ANXA10: variants seen among roughly 807,000 people sequenced by gnomAD.
ANXA10 encodes annexin A10.
ANXA10 carries 49 observed loss-of-function variants against 53.5 expected under a neutral mutation model. The observed-to-expected ratio is 0.92, with a 90% confidence interval of 0.73 to 1.16. The LOEUF is 1.16. Among genes scored for constraint, ANXA10 ranks in the 50% most tolerant of loss-of-function variants. ANXA10 has a pLI of 0.00. For synonymous variants in ANXA10, 131 were observed against 128.9 expected (o/e 1.02, Z -0.11); for missense variants, 393 against 394.4 (o/e 1.00, Z 0.03).
intron 4 of ANXA10, 54 bp from the exon 5 acceptor site, chr4:168,164,144 C>T (rs969358615): frequency 4.5e-6 from 6 of 1,329,586 alleles, no homozygotes; most frequent in Admixed American, 3.6e-5. Flanking sequence ...AAAAGGTACA[C>T]TATTACTTCC....
At chr4:168,113,729 G>A (rs1311711064) in intron 1 of ANXA10, among the ~76,000 whole-genome samples, 2 of 151,988 alleles carry the variant, frequency 1.3e-5, no homozygotes, top group Non-Finnish European at 2.9e-5. Flanking sequence ...CATAGTACAG[G>A]GTAATATAAA....
rs1384711510 is a variant in ANXA10, at chr4:168,173,847, T to C, written c.481-3893T>C. Among the ~76,000 whole-genome samples the C allele has an allele frequency of 1.3e-5, 2 of 152,210 alleles. 1 individual carries two copies. The highest frequency in any genetic ancestry group is 4.8e-5 in the African/African-American group (2 of 41,456). On this transcript the variant is annotated intron_variant, in intron 6 of 11. Transcript: ENST00000359299. ...TCCTACCCTTCCCTAATTGGTTTTT[T>C]ACACTGTTGCGCCCATCTTTGAGTG... is the stretch of plus-strand genomic sequence containing the variant.
At chr4:168,156,183 T>TTATATTATATTA (rs1553957751) in intron 3 of ANXA10, among the ~76,000 whole-genome samples, 3 of 45,196 alleles carry the variant, frequency 6.6e-5, no homozygotes, top group African/African-American at 3.0e-4. Context: ...ATATTATATA[T>TTATATTATATTA]TATATATTAT....
chr4:168,139,074 T>C (rs1252748405), intron 2 of ANXA10, among the ~76,000 whole-genome samples: 1 of 152,110 alleles, frequency 6.6e-6, no homozygotes, highest in African/African-American at 2.4e-5. Context: ...CTTTTCCAAT[T>C]TGGGTGTTTT....
At position 168,096,934 on chromosome 4, in the gene ANXA10, G is replaced by A. The variant is rs931307397; in HGVS notation, c.18+4216G>A. Among the ~76,000 whole-genome samples, 420 of 80,448 alleles carry A rather than the reference G, an allele frequency of 5.2e-3. 6 individuals carry two copies. Among genetic ancestry groups the A allele is most frequent in the African/African-American group, 0.03 (385 of 12,756 alleles). 52.8% of individuals were successfully genotyped at this position (80,448 alleles called of 152,430 possible). A position where few individuals can be genotyped will look rare whatever the true frequency, so the allele number is the denominator to read the frequency against. On this transcript the variant is annotated intron_variant, in intron 1 of 11. Transcript: ENST00000359299. ...TGCATATATATATATATATATGTAT[G>A]TATATGTATATACAATACATACATA...
chr4:168,175,920 A>C (rs541672292), intron 6 of ANXA10, among the ~76,000 whole-genome samples: 2 of 152,250 alleles, frequency 1.3e-5, no homozygotes, highest in Admixed American at 6.5e-5. Context: ...TTTGTTATCA[A>C]GAAAAACAGC....
At chr4:168,149,950 C>T (rs539854975) in intron 3 of ANXA10, among the ~76,000 whole-genome samples, 1 of 152,270 alleles carries the variant, frequency 6.6e-6, no homozygotes, top group South Asian at 2.1e-4. Flanking sequence ...ACTTGATTCC[C>T]TGTGTTACAT....
intron 6 of ANXA10, among the ~76,000 whole-genome samples, chr4:168,174,457 T>A (rs1044450206): frequency 1.3e-5 from 2 of 152,164 alleles, no homozygotes; most frequent in Admixed American, 1.3e-4. Context: ...GCTCACTCGC[T>A]CACACATCCC....
intron 1 of ANXA10, among the ~76,000 whole-genome samples, chr4:168,094,809 T>C (rs1437338820): frequency 6.6e-6 from 1 of 152,114 alleles, no homozygotes; most frequent in Non-Finnish European, 1.5e-5. Context: ...TAAACATACA[T>C]AATATGTTAA....
chr4:168,156,001 ATAT>A (rs1457097629), intron 3 of ANXA10, among the ~76,000 whole-genome samples: 1 of 6,556 alleles, frequency 1.5e-4, no homozygotes, highest in Non-Finnish European at 2.4e-4. Context: ...TACATAATTT[ATAT>A]TATATGTTAT....
At chr4:168,128,348 T>C (rs1731106370) in intron 2 of ANXA10, among the ~76,000 whole-genome samples, 183 bp downstream of exon 2, 1 of 150,916 alleles carries the variant, frequency 6.6e-6, no homozygotes, top group South Asian at 2.1e-4. Flanking sequence ...AAGACAATAA[T>C]GATGAACAAA....
chr4:168,167,740 T>C (rs888765458), intron 6 of ANXA10, among the ~76,000 whole-genome samples: 1 of 152,224 alleles, frequency 6.6e-6, no homozygotes, highest in African/African-American at 2.4e-5. Flanking sequence ...AGTTCTTTCC[T>C]AGATATATTT....
At chr4:168,128,399 C>T (rs1731106893) in intron 2 of ANXA10, among the ~76,000 whole-genome samples, 1 of 151,976 alleles carries the variant, frequency 6.6e-6, no homozygotes, top group Non-Finnish European at 1.5e-5. Context: ...AAAATGTTTG[C>T]CTTAAATCCA....
intron 1 of ANXA10, among the ~76,000 whole-genome samples, chr4:168,109,221 T>A (rs1049736940): frequency 5.5e-4 from 84 of 152,196 alleles, no homozygotes; most frequent in African/African-American, 1.8e-3. Context: ...AGAAAGAAGA[T>A]CAATGTATGT....
chr4:168,147,000 G>T (rs913634407), intron 3 of ANXA10, among the ~76,000 whole-genome samples: 4 of 152,196 alleles, frequency 2.6e-5, no homozygotes, highest in Admixed American at 6.5e-5. Context: ...CAGCTTATCT[G>T]AATCGCCAGT....
intron 2 of ANXA10, among the ~76,000 whole-genome samples, chr4:168,131,118 T>C (rs967865779): frequency 1.1e-4 from 17 of 152,022 alleles, no homozygotes; most frequent in Admixed American, 6.6e-5. Flanking sequence ...TTTCTCTATA[T>C]GCATTTTTCT....
chr4:168,136,479 C>A (rs1560968269), intron 2 of ANXA10, among the ~76,000 whole-genome samples: 1 of 152,124 alleles, frequency 6.6e-6, no homozygotes, highest in Non-Finnish European at 1.5e-5. Flanking sequence ...GGGGAAAAAT[C>A]AGCCAAAACA....
At chr4:168,095,335 A>C (rs1049391804) in intron 1 of ANXA10, among the ~76,000 whole-genome samples, 3 of 151,904 alleles carry the variant, frequency 2.0e-5, no homozygotes, top group African/African-American at 7.2e-5. Flanking sequence ...TTGACCTCTA[A>C]TAGGATTAGA....
At chr4:168,147,525 T>C (rs941314430) in intron 3 of ANXA10, among the ~76,000 whole-genome samples, 1 of 152,168 alleles carries the variant, frequency 6.6e-6, no homozygotes, top group Non-Finnish European at 1.5e-5. Flanking sequence ...ACATATGCTG[T>C]TTTCCTGTGG....
Sources: allele counts gnomAD v4.1 joint callset (sites outside exome capture counted in the v4.1 genomes callset), GRCh38; gene constraint gnomAD v4.1.1; transcripts MANE v1.5; gene names NCBI Gene and HGNC (gene_info 2026-07-23, HGNC 2026-07-21).